Variants in PRKN observed in about 807,000 individuals in gnomAD.
The protein encoded by PRKN is parkin RBR E3 ubiquitin protein ligase.
PRKN carries 56 observed loss-of-function variants against 59.5 expected under a neutral mutation model. The observed-to-expected ratio is 0.94, with a 90% CI of 0.76 to 1.18. The LOEUF (loss-of-function observed/expected upper bound fraction) is 1.18. Ranked by LOEUF, PRKN falls within the 50% of genes most tolerant of loss-of-function variation. The probability of loss-of-function intolerance (pLI) is 0.00; values close to 1 mark genes in which losing one functional copy is unlikely to be tolerated. For synonymous variants in PRKN, 250 were observed against 222.1 expected (o/e 1.13, Z -1.12); for missense variants, 657 against 596.4 (o/e 1.10, Z -1.06).
chr6:161,976,954 T>C (rs1237885667), intron 5 of PRKN, among the ~76,000 whole-genome samples: 1 of 152,210 alleles, frequency 6.6e-6, no homozygotes, highest in Admixed American at 6.5e-5. Flanking sequence ...TGTTTATAGA[T>C]AATGGTTTAA....
chr6:161,926,678 G>C (rs1380210003), intron 6 of PRKN, among the ~76,000 whole-genome samples: 6 of 152,146 alleles, frequency 3.9e-5, no homozygotes, highest in Non-Finnish European at 2.9e-5. Context: ...ATATAATCTA[G>C]TGAGTTTTAG....
intron 2 of PRKN, among the ~76,000 whole-genome samples, chr6:162,354,535 A>G (rs945662197): frequency 6.6e-6 from 1 of 152,094 alleles, no homozygotes; most frequent in Non-Finnish European, 1.5e-5. Flanking sequence ...GATCATATGA[A>G]GTATGCATAA....
At chr6:161,757,210 A>G (rs1478922474) in intron 7 of PRKN, among the ~76,000 whole-genome samples, 1 of 152,214 alleles carries the variant, frequency 6.6e-6, no homozygotes, top group African/African-American at 2.4e-5. Flanking sequence ...AGCACAATCC[A>G]TAAAAGAACA....
chr6:162,445,641 A>T (rs1433367820), intron 1 of PRKN, among the ~76,000 whole-genome samples: 1 of 123,494 alleles, frequency 8.1e-6, no homozygotes, highest in Non-Finnish European at 1.6e-5. Flanking sequence ...TCAGTGAGCT[A>T]TGGTTGTGCC....
At chr6:162,270,128 C>T (rs1780309228) in intron 2 of PRKN, 1 of 152,184 alleles carries the variant, frequency 6.6e-6, no homozygotes, top group Admixed American at 6.5e-5. Context: ...CCCACATGTC[C>T]ACCAATCAAT....
chr6:162,125,445 G>A (rs1424583770), intron 4 of PRKN, among the ~76,000 whole-genome samples: 1 of 151,924 alleles, frequency 6.6e-6, no homozygotes, highest in East Asian at 1.9e-4. Flanking sequence ...CCTTTATTAG[G>A]GACAATATTT....
In PRKN at chr6:161,552,328, G is replaced by A. The variant is rs1365095307; in HGVS notation, c.934-3325C>T. On this transcript the variant is annotated intron_variant, in intron 8 of 11. Transcript: ENST00000366898. The surrounding 1 kb of genome is among the most constrained non-coding windows in gnomAD (Gnocchi z 4.9). ...CTCTCCCTCAGCTCTGTTCACCTCC[G>A]CCTATGACTGTGAATGATCTCACGG... 4.7e-3 allele frequency among the ~76,000 whole-genome samples: 588 copies of A among 124,568 alleles called. 29 individuals carry two copies. Among genetic ancestry groups the A allele is most frequent in the African/African-American group, 0.02 (568 of 27,884 alleles). The allele number at this position is 124,568 out of a possible 152,430, so 81.7% of individuals were successfully genotyped here.
intron 4 of PRKN, among the ~76,000 whole-genome samples, chr6:162,068,585 C>T (rs1266821661): frequency 2.0e-5 from 3 of 152,210 alleles, no homozygotes; most frequent in African/African-American, 7.2e-5. Flanking sequence ...CTTTCTGCTG[C>T]CTGTTGGCTG....
intron 2 of PRKN, among the ~76,000 whole-genome samples, chr6:162,348,074 C>T (rs908928096): frequency 1.3e-5 from 2 of 152,114 alleles, no homozygotes; most frequent in African/African-American, 4.8e-5. Context: ...CAAGTTTATG[C>T]ATGTGAGAAA....
intron 1 of PRKN, among the ~76,000 whole-genome samples, chr6:162,557,102 C>T (rs1265813036): frequency 1.3e-5 from 2 of 152,204 alleles, no homozygotes; most frequent in African/African-American, 2.4e-5. Context: ...AGCACAGAAG[C>T]CAGGACAACA....
intron 7 of PRKN, among the ~76,000 whole-genome samples, chr6:161,616,737 G>A (rs1782712025): frequency 6.6e-6 from 1 of 152,120 alleles, no homozygotes; most frequent in Non-Finnish European, 1.5e-5. Flanking sequence ...CAAAGGACAT[G>A]AACTCACCCC....
At chr6:162,064,353 G>A (rs931798537) in intron 4 of PRKN, among the ~76,000 whole-genome samples, 17 of 151,434 alleles carry the variant, frequency 1.1e-4, no homozygotes, top group Admixed American at 2.7e-4. Flanking sequence ...TGTAACTGTC[G>A]AAGCTTTTAG....
At chr6:161,825,372 G>C (rs1792198466) in intron 6 of PRKN, among the ~76,000 whole-genome samples, 1 of 151,900 alleles carries the variant, frequency 6.6e-6, no homozygotes, top group Non-Finnish European at 1.5e-5. Context: ...CTCCCAAATG[G>C]TGTAATTTAA....
At chr6:162,561,615 G>A (rs1275697888) in intron 1 of PRKN, among the ~76,000 whole-genome samples, 2 of 152,152 alleles carry the variant, frequency 1.3e-5, no homozygotes, top group African/African-American at 2.4e-5. Flanking sequence ...CTGACACCAC[G>A]CCTCCCTTAC....
intron 2 of PRKN, among the ~76,000 whole-genome samples, chr6:162,294,975 C>T (rs1781600348): frequency 6.6e-6 from 1 of 152,162 alleles, no homozygotes; most frequent in African/African-American, 2.4e-5. Flanking sequence ...AGTAACCATA[C>T]TTATTAGCTA....
chr6:161,434,653 A>G (rs1788800910), intron 9 of PRKN, among the ~76,000 whole-genome samples: 1 of 152,152 alleles, frequency 6.6e-6, no homozygotes, highest in African/African-American at 2.4e-5. Flanking sequence ...CTGGAGCCTT[A>G]ATTTTCTCAT....
Position 161,969,234 on chromosome 6 carries a change from T to A in PRKN, c.734+4068A>T, listed in dbSNP as rs544604354. Among the ~76,000 whole-genome samples the A allele has an allele frequency of 2.6e-5, 4 of 151,988 alleles. No homozygotes were observed. The East Asian group carries it at 7.7e-4, about 29-fold the overall frequency. On this transcript the variant is annotated intron_variant, in intron 6 of 11. Transcript: ENST00000366898. Reference sequence around the variant, plus strand: ...TAGAGCCAAGGCATGCAGTCAATGATGTCTGTAAAATAATATGGTTTTCAG... The same window carrying A: ...TAGAGCCAAGGCATGCAGTCAATGAAGTCTGTAAAATAATATGGTTTTCAG...
At chr6:161,673,891 A>G in intron 7 of PRKN, among the ~76,000 whole-genome samples, 1 of 152,218 alleles carries the variant, frequency 6.6e-6, no homozygotes, top group East Asian at 1.9e-4. Flanking sequence ...CTGAAGCAAA[A>G]GAAGGATCAC....
chr6:161,376,710 C>T lies in PRKN; in HGVS notation c.1167+10084G>A, dbSNP rs921899065. Reference sequence around the variant, plus strand: ...GATGCGAAGGGCTCACCTCTAGCCTCCTACCTCTGGCTCCCCTCAGTCTTC... The same window carrying T: ...GATGCGAAGGGCTCACCTCTAGCCTTCTACCTCTGGCTCCCCTCAGTCTTC... On this transcript the variant is annotated intron_variant, in intron 10 of 11. Transcript: ENST00000366898. This position sits in a 1 kb window ranked among gnomAD's most constrained non-coding sequence, Gnocchi z 7.3. 1.3e-5 allele frequency among the ~76,000 whole-genome samples: 2 copies of T among 152,184 alleles called. No individual in the cohort carries two copies. The highest frequency in any genetic ancestry group is 1.9e-4 in the East Asian group (1 of 5,178).
Sources: allele counts gnomAD v4.1 joint callset (sites outside exome capture counted in the v4.1 genomes callset), GRCh38; gene constraint gnomAD v4.1.1; non-coding constraint Gnocchi (gnomAD v3.1); transcripts MANE v1.5; gene names NCBI Gene and HGNC (gene_info 2026-07-23, HGNC 2026-07-21).